The following SDHAF4 variants were observed in gnomAD, a reference collection of about 807,000 sequenced individuals.
The protein encoded by SDHAF4 is succinate dehydrogenase assembly factor 4, mitochondrial.
Under a neutral mutation model 14.3 loss-of-function variants are expected in SDHAF4, and 14 were observed. The observed-to-expected ratio is 0.98, with a 90% CI of 0.65 to 1.53. The LOEUF is 1.53. SDHAF4 is among the 40% of genes most tolerant of loss of function. The pLI, the probability that SDHAF4 is intolerant of heterozygous loss-of-function variation, is 0.00. For missense variants in SDHAF4, 141 were observed against 129.3 expected, an observed-to-expected ratio of 1.09 and a Z score of -0.44; for synonymous variants, 63 against 47.3, an observed-to-expected ratio of 1.33 and a Z score of -1.36.
Position 70,588,107 on chromosome 6 carries a change from T to C in SDHAF4, c.218-508T>C, listed in dbSNP as rs758415354. Among the ~76,000 whole-genome samples, 4 of 152,246 alleles carry C rather than the reference T, an allele frequency of 2.6e-5. No homozygotes were observed. The South Asian group carries it at 6.2e-4, about 24-fold the overall frequency. ...TTATTTCAAGACCTTTCAAGTCTTA[T>C]GAATTTGTACTCTGTATTCTCTTCT... On this transcript the variant is annotated intron_variant, in intron 2 of 2. Transcript: ENST00000370474.
At chr6:70,580,318 T>C (rs1438431621) in intron 2 of SDHAF4, among the ~76,000 whole-genome samples, 2 of 151,756 alleles carry the variant, frequency 1.3e-5, no homozygotes, top group Non-Finnish European at 2.9e-5. Context: ...TAGAAAAAAA[T>C]GGAAAATAAC....
downstream of SDHAF4, among the ~76,000 whole-genome samples, chr6:70,592,388 A>G (rs1405390427): frequency 6.6e-6 from 1 of 152,196 alleles, no homozygotes; most frequent in Non-Finnish European, 1.5e-5. Context: ...CCTAGAGATT[A>G]CTTAAGTGGT....
chr6:70,580,681 G>T (rs6920515), intron 2 of SDHAF4, among the ~76,000 whole-genome samples: 32,263 of 152,094 alleles, frequency 0.21, 3,789 homozygotes, highest in African/African-American at 0.3. Flanking sequence ...CTACAACATG[G>T]ATGGACCTTG....
intron 2 of SDHAF4, among the ~76,000 whole-genome samples, chr6:70,582,360 C>T (rs536653867): frequency 5.3e-5 from 8 of 152,242 alleles, no homozygotes; most frequent in Admixed American, 2.6e-4. Context: ...CCACCACGCC[C>T]GGCTTAAAAT....
At chr6:70,598,269 C>G in the SDHAF4 span, among the ~76,000 whole-genome samples, 2 of 152,152 alleles carry the variant, frequency 1.3e-5, no homozygotes, top group African/African-American at 4.8e-5. Context: ...ACCCCAACTA[C>G]TTGGGAGGCC....
At position 70,579,492 on chromosome 6, in the gene SDHAF4, T is replaced by G; in HGVS notation, c.143T>G (p.Leu48Arg). The G allele has an allele frequency of 6.2e-7, 1 of 1,612,240 alleles. No homozygotes were observed. The highest frequency in any genetic ancestry group is 8.5e-7 in the Non-Finnish European group (1 of 1,179,010). The stretch of plus-strand genomic sequence containing the variant: ...AAGTCTGAACTTGTCAAACAGTCCC[T>G]TAAGAAGCCGAAGTTACCAGAAGGT... ...GGKSELVKQS[L>R]KKPKLPEGRF... is the part of the protein sequence containing the mutation. The change falls in exon 2 of 3, where the codon CTT becomes CGT. Residue 48 changes from leucine to arginine, a missense_variant. Leu to Arg is a moderately radical substitution (Grantham distance 102). Coordinates refer to ENST00000370474, the MANE Select transcript of SDHAF4 (RefSeq NM_145267.3).
chr6:70,571,144 T>C (rs1802173163), intron 1 of SDHAF4, among the ~76,000 whole-genome samples: 1 of 152,170 alleles, frequency 6.6e-6, no homozygotes, highest in African/African-American at 2.4e-5. Context: ...GATGAATAAA[T>C]CTTGAAGTTT....
At chr6:70,596,200 G>A in the SDHAF4 span, among the ~76,000 whole-genome samples, 24 of 152,312 alleles carry the variant, frequency 1.6e-4, no homozygotes, top group African/African-American at 5.3e-4. Context: ...CTCCTCCTGT[G>A]AGAAGCAGAG....
chr6:70,582,368 A>G (rs1056534881), intron 2 of SDHAF4, among the ~76,000 whole-genome samples: 1 of 152,158 alleles, frequency 6.6e-6, no homozygotes, highest in African/African-American at 2.4e-5. Context: ...CCCGGCTTAA[A>G]ATGATTTTAA....
At chr6:70,586,688 TA>T (rs1189823251) in intron 2 of SDHAF4, among the ~76,000 whole-genome samples, 2 of 152,024 alleles carry the variant, frequency 1.3e-5, no homozygotes, top group Non-Finnish European at 2.9e-5. Flanking sequence ...CAGCAATGGA[TA>T]AAACACACAA....
At chr6:70,574,362 A>G (rs7773731) in intron 1 of SDHAF4, among the ~76,000 whole-genome samples, 5,214 of 151,882 alleles carry the variant, frequency 0.034, 224 homozygotes, top group African/African-American at 0.1. Flanking sequence ...GATTTTTGGA[A>G]GATGCAGCTA....
At chr6:70,590,305 AAGAGAG>A (rs1279454401), downstream of SDHAF4, among the ~76,000 whole-genome samples, 1 of 152,180 alleles carries the variant, frequency 6.6e-6, no homozygotes, top group Non-Finnish European at 1.5e-5. Context: ...GGGCATACTC[AAGAGAG>A]AGTGACTCAG....
At chr6:70,594,137 A>G (rs1765282183), downstream of SDHAF4, among the ~76,000 whole-genome samples, 2 of 152,170 alleles carry the variant, frequency 1.3e-5, no homozygotes, top group Non-Finnish European at 2.9e-5. Flanking sequence ...GAAGTAGATA[A>G]ATTGTTTTCG....
chr6:70,573,904 G>T (rs1452059065), intron 1 of SDHAF4, among the ~76,000 whole-genome samples: 1 of 151,684 alleles, frequency 6.6e-6, no homozygotes, highest in Non-Finnish European at 1.5e-5. Flanking sequence ...TGGAACTCCT[G>T]ACCTCAAGTA....
At chr6:70,570,109 C>T (rs1802160629) in intron 1 of SDHAF4, among the ~76,000 whole-genome samples, 1 of 152,086 alleles carries the variant, frequency 6.6e-6, no homozygotes, top group African/African-American at 2.4e-5. Flanking sequence ...TTTGTCTATT[C>T]CTGTGCTGAT....
At chr6:70,575,894 A>G (rs1007814646) in intron 1 of SDHAF4, among the ~76,000 whole-genome samples, 1 of 151,750 alleles carries the variant, frequency 6.6e-6, no homozygotes, top group African/African-American at 2.4e-5. Flanking sequence ...TGATGTTGTT[A>G]AAAGAGGCTT....
Position 70,588,779 on chromosome 6 carries a change from C to T in SDHAF4, c.*55C>T, listed in dbSNP as rs776856709. 8.1e-6 allele frequency: 8 copies of T among 986,084 alleles called. No homozygotes were observed. The highest frequency in any genetic ancestry group is 1.2e-5 in the Non-Finnish European group (8 of 643,380). The allele number at this position is 986,084 out of a possible 1,614,324, so 61.1% of individuals were successfully genotyped here. On this transcript the variant is annotated 3_prime_UTR_variant, in exon 3 of 3. Coordinates refer to ENST00000370474, the MANE Select transcript of SDHAF4 (RefSeq NM_145267.3). ...TTCTGAATATGTACATCTGAATTAA[C>T]TTATTTCTGATTATTTTCTTTCTTT... is the stretch of plus-strand genomic sequence containing the variant.
In SDHAF4 at chr6:70,566,962, T is replaced by C. The variant is rs1196050332; in HGVS notation, c.22T>C (p.Trp8Arg). 2 of 1,592,286 alleles carry C rather than the reference T, an allele frequency of 1.3e-6. No homozygotes were observed. Among genetic ancestry groups the C allele is most frequent in the South Asian group, 1.1e-5 (1 of 87,344 alleles). ...CGCCATGACCCCATCGAGGCTTCCCTGGTTGCTTAGCTGGGTCTCGGCCAC... is the reference window on the plus strand; with the variant it reads ...CGCCATGACCCCATCGAGGCTTCCCCGGTTGCTTAGCTGGGTCTCGGCCAC... Reference protein sequence around the residue: MTPSRLPWLLSWVSATAW... With the variant: MTPSRLPRLLSWVSATAW... The change falls in exon 1 of 3, where the codon TGG becomes CGG. Residue 8 changes from tryptophan (W) to arginine (R), a missense_variant. Coordinates refer to ENST00000370474, the MANE Select transcript of SDHAF4 (RefSeq NM_145267.3).
chr6:70,594,228 T>C (rs1195341093), downstream of SDHAF4, among the ~76,000 whole-genome samples: 2 of 152,188 alleles, frequency 1.3e-5, no homozygotes, highest in African/African-American at 4.8e-5. Flanking sequence ...ATAGAATAAA[T>C]GTATTTGTAT....
Sources: gnomAD v4.1 joint callset for allele counts (sites outside exome capture counted in the v4.1 genomes callset) on GRCh38, gnomAD v4.1.1 for gene constraint, MANE v1.5 for transcripts, NCBI Gene and HGNC (gene_info 2026-07-23, HGNC 2026-07-21) for gene names.